ERBB4: variants seen among roughly 807,000 people sequenced by gnomAD.
ERBB4 encodes receptor tyrosine-protein kinase erbB-4.
A neutral mutation model predicts 158.0 loss-of-function variants in ERBB4; 42 were observed. The observed-to-expected ratio is 0.27, with a 90% CI of 0.21 to 0.34. ERBB4 has a LOEUF of 0.34. Ranked by LOEUF, ERBB4 falls within the 10% of genes least tolerant of loss-of-function variation. The pLI is 1.00. For missense variants in ERBB4, 1,333 were observed against 1,624.1 expected, an observed-to-expected ratio of 0.82 and a Z score of 3.08; for synonymous variants, 583 against 558.7, an observed-to-expected ratio of 1.04 and a Z score of -0.61.
intron 1 of ERBB4, among the ~76,000 whole-genome samples, chr2:212,421,849 C>T (rs1436700268): frequency 1.3e-5 from 2 of 152,102 alleles, no homozygotes; most frequent in Non-Finnish European, 2.9e-5. Flanking sequence ...AAAATTCAAC[C>T]ACTAAAGTGA....
At chr2:212,467,949 G>A (rs1393912183) in intron 1 of ERBB4, among the ~76,000 whole-genome samples, 1 of 152,222 alleles carries the variant, frequency 6.6e-6, no homozygotes, top group Non-Finnish European at 1.5e-5. Context: ...TGACCTGGAT[G>A]TGAGACATGG....
chr2:212,243,005 G>A (rs977042615), intron 1 of ERBB4, among the ~76,000 whole-genome samples: 9 of 152,056 alleles, frequency 5.9e-5, no homozygotes, highest in Non-Finnish European at 1.2e-4. Context: ...CATGAAATTT[G>A]CCACCTCTCA....
At chr2:211,871,171 C>T (rs1359003673) in intron 3 of ERBB4, among the ~76,000 whole-genome samples, 1 of 152,066 alleles carries the variant, frequency 6.6e-6, no homozygotes, top group Non-Finnish European at 1.5e-5. Flanking sequence ...GAGGATAATA[C>T]ACTGCATACA....
At chr2:211,527,394 A>G (rs943871196) in intron 20 of ERBB4, among the ~76,000 whole-genome samples, 10 of 152,106 alleles carry the variant, frequency 6.6e-5, no homozygotes, top group African/African-American at 2.4e-4. Flanking sequence ...TTTGCCAGAC[A>G]AACAAAAGCT....
At position 212,446,577 on chromosome 2, in the gene ERBB4, CCATATATATATATG is replaced by C. The variant is rs1354333782; in HGVS notation, c.82+91858_82+91871del. On this transcript the variant is annotated intron_variant, in intron 1 of 27. Coordinates refer to ENST00000342788, the MANE Select transcript of ERBB4 (RefSeq NM_005235.3). ...ATGTAAGTTAATACTTAATAAACTC[CCATATATATATATG>C]TATATATATATATATATATATATAT... Among the ~76,000 whole-genome samples, 22 of 36,060 alleles carry C rather than the reference CCATATATATATATG, an allele frequency of 6.1e-4. 1 individual carries two copies. The highest frequency in any genetic ancestry group is 1.2e-3 in the Admixed American group (3 of 2,484). 23.7% of individuals were successfully genotyped at this position (36,060 alleles called of 152,430 possible). A position where few individuals can be genotyped will look rare whatever the true frequency, so the allele number is the denominator to read the frequency against.
In ERBB4 at chr2:212,012,508, C is replaced by T. The variant is rs116401021; in HGVS notation, c.235-64892G>A. Among the ~76,000 whole-genome samples, 618 of 151,780 alleles carry T rather than the reference C, an allele frequency of 4.1e-3. 3 individuals carry two copies. The highest frequency in any genetic ancestry group is 0.017 in the Middle Eastern group (5 of 292). On this transcript the variant is annotated intron_variant, in intron 2 of 27. Transcript: ENST00000342788. ...CTCAGCTCACCGCAAACTCCACCTC[C>T]AAGCTCAAGCAATTCTCCGCCTCAG...
At position 211,463,689 on chromosome 2, in the gene ERBB4, T is replaced by A. The variant is rs572760581; in HGVS notation, c.2488-32589A>T. ...TCAGATCTGGGTAAAATTCAGCATT[T>A]TAAAACAAGTATCCTCCTCCCCTCC... On this transcript the variant is annotated intron_variant, in intron 20 of 27. Transcript: ENST00000342788. 1.1e-4 allele frequency among the ~76,000 whole-genome samples: 15 copies of A among 133,962 alleles called. No individual in the cohort carries two copies. The South Asian group carries it at 4.1e-3, about 37-fold the overall frequency. 87.9% of individuals were successfully genotyped at this position (133,962 alleles called of 152,430 possible).
rs79950585 is a variant in ERBB4, at chr2:212,342,909, C to T, written c.82+195540G>A. 3.1e-3 allele frequency among the ~76,000 whole-genome samples: 466 copies of T among 152,222 alleles called. 1 individual carries two copies. Among genetic ancestry groups the T allele is most frequent in the African/African-American group, 0.011 (454 of 41,560 alleles). On this transcript the variant is annotated intron_variant, in intron 1 of 27. Coordinates refer to ENST00000342788, the MANE Select transcript of ERBB4 (RefSeq NM_005235.3). ...AGTAAATAGGCCCAAACTTTTACAT[C>T]TTCCATTTATGTGTTCTCTTTTAAT...
At chr2:212,299,150 A>G (rs2086527378) in intron 1 of ERBB4, among the ~76,000 whole-genome samples, 1 of 151,678 alleles carries the variant, frequency 6.6e-6, no homozygotes, top group South Asian at 2.1e-4. Flanking sequence ...GGCATGTATC[A>G]GATCACACAC....
chr2:211,654,390 TAG>T (rs2071130822), intron 16 of ERBB4, among the ~76,000 whole-genome samples: 1 of 150,848 alleles, frequency 6.6e-6, no homozygotes, highest in Non-Finnish European at 1.5e-5. Context: ...GAAAGATATC[TAG>T]AGTTTCCTAA....
intron 1 of ERBB4, among the ~76,000 whole-genome samples, chr2:212,414,175 T>TA (rs1278884911): frequency 1.3e-5 from 2 of 152,204 alleles, no homozygotes; most frequent in African/African-American, 4.8e-5. Flanking sequence ...TGACTGCTAT[T>TA]AAAAATCTTT....
intron 2 of ERBB4, among the ~76,000 whole-genome samples, chr2:211,975,028 G>C (rs1161229400): frequency 6.6e-6 from 1 of 151,810 alleles, no homozygotes; most frequent in Non-Finnish European, 1.5e-5. Context: ...CTGTCACTCA[G>C]GCTGGACTGC....
intron 1 of ERBB4, among the ~76,000 whole-genome samples, chr2:212,188,032 A>C (rs538216011): frequency 1.2e-4 from 19 of 152,056 alleles, no homozygotes; most frequent in Non-Finnish European, 2.4e-4. Flanking sequence ...AAAACGTTCA[A>C]ATTTGAATTT....
intron 20 of ERBB4, among the ~76,000 whole-genome samples, chr2:211,540,918 C>T (rs1455958700): frequency 6.6e-6 from 1 of 151,824 alleles, no homozygotes; most frequent in Admixed American, 6.6e-5. Context: ...CTATGGTATA[C>T]AGTATGTTGT....
chr2:211,462,973 T>A (rs557617154), intron 20 of ERBB4, among the ~76,000 whole-genome samples: 9 of 152,302 alleles, frequency 5.9e-5, no homozygotes, highest in African/African-American at 2.2e-4. Flanking sequence ...AGCAGTTTGT[T>A]GCTCTTTAGG....
chr2:212,404,215 C>T (rs1377182931), intron 1 of ERBB4, among the ~76,000 whole-genome samples: 2 of 151,990 alleles, frequency 1.3e-5, no homozygotes, highest in African/African-American at 4.8e-5. Context: ...TAAATCTTGC[C>T]ACAAGTCAAT....
At chr2:212,449,228 G>T (rs1486365560) in intron 1 of ERBB4, among the ~76,000 whole-genome samples, 1 of 152,048 alleles carries the variant, frequency 6.6e-6, no homozygotes, top group Non-Finnish European at 1.5e-5. Context: ...CTGTATCTTA[G>T]AAATGTATTT....
intron 5 of ERBB4, among the ~76,000 whole-genome samples, chr2:211,745,143 C>T (rs1355467697): frequency 6.6e-6 from 1 of 151,972 alleles, no homozygotes; most frequent in East Asian, 1.9e-4. Flanking sequence ...TTTTAAATAA[C>T]AGAAGAGTCA....
intron 3 of ERBB4, among the ~76,000 whole-genome samples, chr2:211,896,624 G>C (rs1329517409): frequency 1.3e-5 from 2 of 151,944 alleles, no homozygotes; most frequent in Non-Finnish European, 2.9e-5. Context: ...GTCTTGAGAA[G>C]GTTGGTATCA....
Sources: gnomAD v4.1 joint callset for allele counts (sites outside exome capture counted in the v4.1 genomes callset) on GRCh38, gnomAD v4.1.1 for gene constraint, MANE v1.5 for transcripts, NCBI Gene and HGNC (gene_info 2026-07-23, HGNC 2026-07-21) for gene names.